FRZB: variants seen among roughly 807,000 people sequenced by gnomAD.
FRZB encodes the protein secreted frizzled-related protein 3.
In FRZB, 34 loss-of-function variants were observed where a neutral mutation model predicts 32.5. The ratio of observed to expected loss-of-function variants is 1.05; its 90% CI spans 0.80 to 1.39. The LOEUF (loss-of-function observed/expected upper bound fraction) is 1.39, where lower values mean the gene tolerates loss of function less well. FRZB is among the 40% of genes most tolerant of loss of function. The pLI, the probability that FRZB is intolerant of heterozygous loss-of-function variation, is 0.00. For synonymous variants in FRZB, 170 were observed against 159.2 expected (o/e 1.07, Z -0.51); for missense variants, 423 against 424.8 (o/e 1.00, Z 0.04).
chr2:182,837,805 T>G (rs1695543987), intron 5 of FRZB, 143 bp downstream of exon 5: 1 of 628,318 alleles, frequency 1.6e-6, no homozygotes, highest in Non-Finnish European at 2.8e-6. Flanking sequence ...ATTCAGCTCT[T>G]GGAGTATATA....
At chr2:182,856,665 A>C (rs1411466209) in intron 2 of FRZB, among the ~76,000 whole-genome samples, 1 of 152,168 alleles carries the variant, frequency 6.6e-6, no homozygotes, top group Non-Finnish European at 1.5e-5. Flanking sequence ...TGACAGCTGA[A>C]TTACCTATAG....
chr2:182,845,861 C>T (rs913878467), intron 2 of FRZB, among the ~76,000 whole-genome samples: 2 of 152,176 alleles, frequency 1.3e-5, no homozygotes, highest in African/African-American at 4.8e-5. Context: ...TGCTAATGAA[C>T]CTGGAGACTG....
intron 2 of FRZB, among the ~76,000 whole-genome samples, chr2:182,849,087 C>A (rs568384425): frequency 6.6e-6 from 1 of 152,082 alleles, no homozygotes; most frequent in East Asian, 1.9e-4. Context: ...ATTAGCCGGG[C>A]GTGGTGGCAA....
rs1553503725 is a variant in FRZB at position 182,866,270 on chromosome 2, TG to T, written c.282del (p.Ile95SerfsTer112). Reference protein sequence around the residue: ...LLFFLCAMYAPICTIDFQHEP... With the variant: ...LLFFLCAMYAXICTIDFQHEP... ...TCGTGCTGGAAGTCAATGGTGCAGA[TG>T]GGCGCGTACATGGCACAGAGGAAGA... On this transcript the variant is annotated frameshift_variant, in exon 1 of 6. Transcript: ENST00000295113. LOFTEE classifies it high-confidence loss of function. The surrounding 1 kb of genome is among the most constrained non-coding windows in gnomAD (Gnocchi z 4.5). 1.2e-6 allele frequency: 2 copies of T among 1,614,138 alleles called. No homozygotes were observed. Among genetic ancestry groups the T allele is most frequent in the Middle Eastern group, 1.6e-4 (1 of 6,062 alleles).
rs190893032 is a variant in FRZB, at chr2:182,848,341, G to A, written c.527-5798C>T. ...AACAGCAGCAGGAATGGATGCCATG[G>A]TGGAACTTGTTCAGATAGCCCTTAA... is the stretch of plus-strand genomic sequence containing the variant. On this transcript the variant is annotated intron_variant, in intron 2 of 5. Transcript: ENST00000295113. Among the ~76,000 whole-genome samples, 25 of 152,228 alleles carry A rather than the reference G, an allele frequency of 1.6e-4. No individual in the cohort carries two copies. The East Asian group carries it at 4.4e-3, about 27-fold the overall frequency.
intron 1 of FRZB, among the ~76,000 whole-genome samples, chr2:182,865,158 A>T (rs1695876950): frequency 6.6e-6 from 1 of 152,156 alleles, no homozygotes; most frequent in Admixed American, 6.5e-5. Context: ...TGGTTGGTGC[A>T]CACACGGAAA....
chr2:182,852,883 T>C (rs183001216), intron 2 of FRZB, among the ~76,000 whole-genome samples: 28 of 152,356 alleles, frequency 1.8e-4, no homozygotes, highest in African/African-American at 6.7e-4. Context: ...AAAAAATAGT[T>C]AAGCTTTGAG....
intron 1 of FRZB, among the ~76,000 whole-genome samples, chr2:182,861,759 C>T (rs1302010443): frequency 6.6e-6 from 1 of 152,156 alleles, no homozygotes; most frequent in Non-Finnish European, 1.5e-5. Flanking sequence ...ACTAGAAGAG[C>T]TAAATATAAC....
At position 182,837,954 on chromosome 2, in the gene FRZB, T is replaced by C; in HGVS notation, c.855A>G (p.Lys285=). 3 of 1,611,260 alleles carry C rather than the reference T, an allele frequency of 1.9e-6. No individual in the cohort carries two copies. Among genetic ancestry groups the C allele is most frequent in the Non-Finnish European group, 2.5e-6 (3 of 1,178,094 alleles). The change falls in exon 5 of 6, where the codon AAA becomes AAG. Residue 285 remains lysine, a synonymous_variant. Coordinates refer to ENST00000295113, the MANE Select transcript of FRZB (RefSeq NM_001463.4). ...ACATAAAATACAGGCTTACCTTAACTTTTTTACCGAGTCGATCCTTCCACT... is the reference window on the plus strand; with the variant it reads ...ACATAAAATACAGGCTTACCTTAACCTTTTTACCGAGTCGATCCTTCCACT... ...AEKWKDRLGK[K]VKRWDMKLRH... is the part of the protein sequence containing the mutation.
chr2:182,842,261 G>A (rs577427719), intron 3 of FRZB, among the ~76,000 whole-genome samples: 1 of 152,248 alleles, frequency 6.6e-6, no homozygotes, highest in Non-Finnish European at 1.5e-5. Flanking sequence ...AATACTGCTT[G>A]ATGTGCTTCA....
intron 2 of FRZB, among the ~76,000 whole-genome samples, chr2:182,855,817 C>G (rs1695761882): frequency 1.3e-5 from 2 of 151,866 alleles, no homozygotes; most frequent in South Asian, 4.1e-4. Context: ...AGGGTAAACT[C>G]AAAGGAATCA....
intron 2 of FRZB, among the ~76,000 whole-genome samples, chr2:182,845,390 G>T (rs1234777371): frequency 6.6e-6 from 1 of 152,072 alleles, no homozygotes; most frequent in Non-Finnish European, 1.5e-5. Flanking sequence ...TTAATTGCTA[G>T]TAATCTTCCT....
intron 5 of FRZB, among the ~76,000 whole-genome samples, chr2:182,836,952 C>T (rs761739285): frequency 2.0e-5 from 3 of 151,974 alleles, no homozygotes; most frequent in Non-Finnish European, 4.4e-5. Flanking sequence ...ACGTGTCTGC[C>T]GTGTCAAGTG....
chr2:182,866,201 C>T lies in FRZB; in HGVS notation c.352G>A (p.Gly118Ser), dbSNP rs573711164. The T allele has an allele frequency of 1.5e-5, 24 of 1,614,208 alleles. No individual in the cohort carries two copies. The Middle Eastern group carries it at 2.5e-3, about 166-fold the overall frequency. Residue 118 changes from glycine (G) to serine (S), a missense_variant, in exon 1 of 6, where the codon GGC (glycine) becomes AGC (serine). Coordinates refer to ENST00000295113, the MANE Select transcript of FRZB (RefSeq NM_001463.4). The surrounding 1 kb of genome is among the most constrained non-coding windows in gnomAD (Gnocchi z 4.5). Reference protein sequence around the residue: ...CKSVCERARQGCEPILIKYRH... With the variant: ...CKSVCERARQSCEPILIKYRH... ...TACTTGATGAGTATGGGCTCACAGCCCTGCCGGGCCCGCTCGCACACAGAC... is the reference window on the plus strand; with the variant it reads ...TACTTGATGAGTATGGGCTCACAGCTCTGCCGGGCCCGCTCGCACACAGAC...
intron 2 of FRZB, among the ~76,000 whole-genome samples, chr2:182,844,618 A>G (rs1695621133): frequency 6.6e-6 from 1 of 152,236 alleles, no homozygotes; most frequent in Non-Finnish European, 1.5e-5. Flanking sequence ...GGCAAAAACT[A>G]TAGCAACTGT....
intron 1 of FRZB, among the ~76,000 whole-genome samples, chr2:182,863,565 T>C (rs1368335431): frequency 6.6e-6 from 1 of 152,202 alleles, no homozygotes; most frequent in Non-Finnish European, 1.5e-5. Context: ...GAAAATCCTC[T>C]TGGCATCAGA....
At chr2:182,857,794 T>G (rs1695787358) in intron 2 of FRZB, among the ~76,000 whole-genome samples, 1 of 151,984 alleles carries the variant, frequency 6.6e-6, no homozygotes, top group African/African-American at 2.4e-5. Flanking sequence ...CCAGAATATG[T>G]AAAGAACCCT....
At position 182,861,809 on chromosome 2, in the gene FRZB, G is replaced by A. The variant is rs996642606; in HGVS notation, c.479-2976C>T. Among the ~76,000 whole-genome samples the A allele has an allele frequency of 5.9e-5, 9 of 152,156 alleles. No homozygotes were observed. In the East Asian group the frequency reaches 9.6e-4, roughly 16 times the overall value. On this transcript the variant is annotated intron_variant, in intron 1 of 5. Coordinates refer to ENST00000295113, the MANE Select transcript of FRZB (RefSeq NM_001463.4). ...AATTTGTAGCAACAACTATTTGAAG[G>A]TTTAGTGGGAATGAGATAAAAAGTA...
intron 1 of FRZB, among the ~76,000 whole-genome samples, 166 bp from the exon 2 acceptor site, chr2:182,858,999 T>C (rs1428481389): frequency 6.6e-6 from 1 of 152,000 alleles, no homozygotes; most frequent in Admixed American, 6.6e-5. Context: ...CATTCATGGG[T>C]TGAGTATGGA....
Sources: allele counts gnomAD v4.1 joint callset (sites outside exome capture counted in the v4.1 genomes callset), GRCh38; gene constraint gnomAD v4.1.1; non-coding constraint Gnocchi (gnomAD v3.1); transcripts MANE v1.5; gene names NCBI Gene and HGNC (gene_info 2026-07-23, HGNC 2026-07-21).